POU2F3: variants seen among roughly 807,000 people sequenced by gnomAD.
POU2F3 encodes POU domain, class 2, transcription factor 3.
A neutral mutation model predicts 59.2 loss-of-function variants in POU2F3; 23 were observed. That is an observed-to-expected ratio of 0.39 (90% CI 0.28 to 0.55). POU2F3 has a LOEUF of 0.55. Ranked by LOEUF, POU2F3 falls within the 20% of genes least tolerant of loss-of-function variation. The probability of loss-of-function intolerance (pLI) is 0.66; values close to 1 mark genes in which losing one functional copy is unlikely to be tolerated. For synonymous variants in POU2F3, 190 were observed against 214.6 expected (o/e 0.89, Z 1.00); for missense variants, 473 against 544.5 (o/e 0.87, Z 1.31).
intron 3 of POU2F3, among the ~76,000 whole-genome samples, chr11:120,295,701 A>G (rs744984): frequency 0.081 from 12,260 of 152,292 alleles, 1,564 homozygotes; most frequent in East Asian, 0.66. Flanking sequence ...TTTCTTAGAG[A>G]TGCCAAGTGT....
intron 4 of POU2F3, among the ~76,000 whole-genome samples, chr11:120,298,935 T>A (rs1941266963): frequency 6.6e-6 from 1 of 152,176 alleles, no homozygotes; most frequent in Admixed American, 6.5e-5. Flanking sequence ...TCCCTTCACC[T>A]GCCATTTAGC....
In POU2F3 at chr11:120,318,502, C is replaced by T. The variant is rs1941844712; in HGVS notation, c.*110C>T. 2 of 1,137,194 alleles carry T rather than the reference C, an allele frequency of 1.8e-6. No individual in the cohort carries two copies. Among genetic ancestry groups the T allele is most frequent in the South Asian group, 1.3e-5 (1 of 76,216 alleles). The allele number at this position is 1,137,194 out of a possible 1,614,324, so 70.4% of individuals were successfully genotyped here. On this transcript the variant is annotated 3_prime_UTR_variant, in exon 13 of 13. Transcript: ENST00000543440. ...CCTTCAGAAGAGTGGAAGAAAATCTCCACTATCAATGAACCCAGACTCTTG... is the reference window on the plus strand; with the variant it reads ...CCTTCAGAAGAGTGGAAGAAAATCTTCACTATCAATGAACCCAGACTCTTG...
At chr11:120,293,613 A>G (rs1941104919) in intron 3 of POU2F3, among the ~76,000 whole-genome samples, 2 of 152,224 alleles carry the variant, frequency 1.3e-5, no homozygotes, top group South Asian at 2.1e-4. Flanking sequence ...CACTTTCCAC[A>G]AACGAGTTAT....
intron 9 of POU2F3, among the ~76,000 whole-genome samples, chr11:120,307,857 C>T (rs1324713760): frequency 6.6e-6 from 1 of 152,154 alleles, no homozygotes; most frequent in East Asian, 1.9e-4. Flanking sequence ...CTATTTAGGG[C>T]CCTTTGTTTT....
intron 2 of POU2F3, among the ~76,000 whole-genome samples, chr11:120,267,990 C>A (rs1031399642): frequency 6.6e-6 from 1 of 151,730 alleles, no homozygotes; most frequent in Non-Finnish European, 1.5e-5. Flanking sequence ...TTTTCCTATT[C>A]ACATAGCAAA....
intron 10 of POU2F3, among the ~76,000 whole-genome samples, chr11:120,313,598 G>T (rs1483291326): frequency 6.6e-6 from 1 of 152,168 alleles, no homozygotes; most frequent in East Asian, 1.9e-4. Context: ...TGGGCAGAAT[G>T]CTACAATATA....
chr11:120,271,855 A>C (rs1940091769), intron 3 of POU2F3, among the ~76,000 whole-genome samples: 1 of 152,164 alleles, frequency 6.6e-6, no homozygotes, highest in Admixed American at 6.5e-5. Flanking sequence ...TTGGATTCTC[A>C]TCACTGACAA....
At chr11:120,289,575 A>G (rs910795678) in intron 3 of POU2F3, among the ~76,000 whole-genome samples, 2 of 152,090 alleles carry the variant, frequency 1.3e-5, no homozygotes, top group Non-Finnish European at 2.9e-5. Flanking sequence ...CCTCCCCTAC[A>G]GCAGCAGTCC....
At chr11:120,277,482 A>G (rs1297567313) in intron 3 of POU2F3, among the ~76,000 whole-genome samples, 1 of 151,192 alleles carries the variant, frequency 6.6e-6, no homozygotes, top group African/African-American at 2.4e-5. Flanking sequence ...AGTGAAATTT[A>G]TAGAAAACAT....
rs200756719 is a variant in POU2F3 at position 120,269,219 on chromosome 11, G to A, written c.107G>A (p.Arg36Gln). 1.2e-4 allele frequency: 190 copies of A among 1,587,812 alleles called. No homozygotes were observed. The East Asian group carries it at 2.5e-3, about 21-fold the overall frequency. ...TTTTTATCTTTTCTAGGAAATGATC[G>A]AAATGGCCTAGATTTCAACAGGCAG... The part of the protein sequence containing the change: ...TLSQVEPGND[R>Q]NGLDFNRQIK... Residue 36 changes from arginine to glutamine, a missense_variant, in exon 3 of 13, where the codon CGA (arginine) becomes CAA (glutamine). Arg to Gln is a conservative substitution (Grantham distance 43). Coordinates refer to ENST00000543440, the MANE Select transcript of POU2F3 (RefSeq NM_014352.4).
chr11:120,279,466 G>A (rs1213949608), intron 3 of POU2F3, among the ~76,000 whole-genome samples: 2 of 152,214 alleles, frequency 1.3e-5, no homozygotes, highest in Non-Finnish European at 2.9e-5. Context: ...CCTTCTCCCT[G>A]TGTGGTTACT....
At chr11:120,249,834 T>C (rs1021388600) in intron 2 of POU2F3, 9 of 152,180 alleles carry the variant, frequency 5.9e-5, no homozygotes, top group African/African-American at 2.2e-4. Flanking sequence ...AGAGACACGA[T>C]TAACCCCATC....
Position 120,246,500 on chromosome 11 carries a change from T to C in POU2F3, c.80T>C (p.Leu27Pro). 1 of 1,613,556 alleles carries C rather than the reference T, an allele frequency of 6.2e-7. No individual in the cohort carries two copies. Among genetic ancestry groups the C allele is most frequent in the Non-Finnish European group, 8.5e-7 (1 of 1,179,944 alleles). ...GATTCCACGGATGCTCGCAGCACTC[T>C]CAGCCAGGTGGAGCCAGGTAAGGGT... ...VADSTDARST[L>P]SQVEPGNDRN... Residue 27 changes from leucine to proline, a missense_variant, in exon 2 of 13, where the codon CTC becomes CCC. Coordinates refer to ENST00000543440, the MANE Select transcript of POU2F3 (RefSeq NM_014352.4).
intron 2 of POU2F3, among the ~76,000 whole-genome samples, chr11:120,262,843 T>C (rs1035201662): frequency 2.0e-5 from 3 of 152,194 alleles, no homozygotes; most frequent in African/African-American, 7.2e-5. Context: ...GTTTACATTA[T>C]TTGTCAAAAT....
At chr11:120,287,954 A>C (rs1940843651) in intron 3 of POU2F3, among the ~76,000 whole-genome samples, 1 of 151,836 alleles carries the variant, frequency 6.6e-6, no homozygotes, top group Non-Finnish European at 1.5e-5. Context: ...GGTTTTTCTA[A>C]CCCTTAGCAG....
chr11:120,240,016 C>CTCCCCAGG (rs1276109554), upstream of POU2F3, among the ~76,000 whole-genome samples: 1 of 152,118 alleles, frequency 6.6e-6, no homozygotes, highest in East Asian at 1.9e-4. Flanking sequence ...CCCCGGCCCC[C>CTCCCCAGG]TCCCCAGGTC....
chr11:120,300,989 A>G, intron 5 of POU2F3: 1 of 453,974 alleles, frequency 2.2e-6, no homozygotes, highest in South Asian at 1.6e-5. Flanking sequence ...TTAAAAAATA[A>G]ACATCATACT....
intron 2 of POU2F3, among the ~76,000 whole-genome samples, chr11:120,247,766 T>C (rs1938930415): frequency 6.6e-6 from 1 of 152,198 alleles, no homozygotes; most frequent in Non-Finnish European, 1.5e-5. Context: ...GTCCCCACAC[T>C]GACACCCTTC....
chr11:120,254,762 C>T (rs571590015), intron 2 of POU2F3: 2 of 152,358 alleles, frequency 1.3e-5, no homozygotes, highest in East Asian at 3.9e-4. Flanking sequence ...GACCAGAGCC[C>T]TCATAAGTGG....
Sources: allele counts gnomAD v4.1 joint callset (sites outside exome capture counted in the v4.1 genomes callset), GRCh38; gene constraint gnomAD v4.1.1; transcripts MANE v1.5; gene names NCBI Gene and HGNC (gene_info 2026-07-23, HGNC 2026-07-21).